Variants in TRPC1 observed in about 807,000 individuals in gnomAD.
The protein encoded by TRPC1 is short transient receptor potential channel 1.
A neutral mutation model predicts 88.2 loss-of-function variants in TRPC1; 42 were observed. That is an observed-to-expected ratio of 0.48 (90% CI 0.37 to 0.62). The LOEUF is 0.62. TRPC1 is among the 20% of genes least tolerant of loss of function. TRPC1 has a pLI of 0.00. For missense variants in TRPC1, 699 were observed against 957.3 expected, an observed-to-expected ratio of 0.73 and a Z score of 3.56; for synonymous variants, 288 against 331.8, an observed-to-expected ratio of 0.87 and a Z score of 1.43.
At chr3:142,729,859 A>G (rs1315120015) in intron 1 of TRPC1, among the ~76,000 whole-genome samples, 1 of 152,168 alleles carries the variant, frequency 6.6e-6, no homozygotes, top group Non-Finnish European at 1.5e-5. Flanking sequence ...GATAAGGACT[A>G]AAAGAATTCC....
intron 4 of TRPC1, among the ~76,000 whole-genome samples, chr3:142,759,195 A>G (rs1935092363): frequency 6.6e-6 from 1 of 152,180 alleles, no homozygotes; most frequent in South Asian, 2.1e-4. Flanking sequence ...ATACCCAGTA[A>G]TGGGATGGCT....
intron 4 of TRPC1, among the ~76,000 whole-genome samples, chr3:142,762,693 T>A (rs1449409973): frequency 6.6e-6 from 1 of 152,098 alleles, no homozygotes. Context: ...CCTCCCAAAG[T>A]GCTGGGATTA....
At chr3:142,746,855 C>CAA (rs1376393530) in intron 3 of TRPC1, among the ~76,000 whole-genome samples, 4 of 135,154 alleles carry the variant, frequency 3.0e-5, no homozygotes, top group Non-Finnish European at 4.8e-5. Context: ...GAGACTCCAC[C>CAA]AAAAAAAAAA....
chr3:142,741,568 T>C (rs1456458188), intron 2 of TRPC1, among the ~76,000 whole-genome samples: 1 of 152,232 alleles, frequency 6.6e-6, no homozygotes, highest in African/African-American at 2.4e-5. Context: ...TTTTCAGTAG[T>C]CAACTTTTAG....
chr3:142,804,406 A>C (rs778911854), intron 11 of TRPC1, 30 bp from the exon 12 acceptor site: 2 of 1,567,572 alleles, frequency 1.3e-6, no homozygotes, highest in Non-Finnish European at 1.7e-6. Flanking sequence ...TTAATATTCT[A>C]GTTTGCTTTT....
At chr3:142,747,234 GA>G (rs1031414609) in intron 3 of TRPC1, among the ~76,000 whole-genome samples, 4 of 151,988 alleles carry the variant, frequency 2.6e-5, no homozygotes, top group African/African-American at 9.7e-5. Flanking sequence ...TACTGTACTG[GA>G]AAATGTTCCT....
At chr3:142,762,193 A>C (rs1408061729) in intron 4 of TRPC1, among the ~76,000 whole-genome samples, 1 of 151,694 alleles carries the variant, frequency 6.6e-6, no homozygotes, top group Non-Finnish European at 1.5e-5. Flanking sequence ...GTGCCACCAC[A>C]TCTGACTAAT....
intron 4 of TRPC1, among the ~76,000 whole-genome samples, chr3:142,755,450 C>G: frequency 6.6e-6 from 1 of 152,142 alleles, no homozygotes; most frequent in South Asian, 2.1e-4. Context: ...AAATGTGGCT[C>G]TTCGCTACAG....
At chr3:142,752,737 C>T (rs199945845) in intron 4 of TRPC1, among the ~76,000 whole-genome samples, 283 of 141,102 alleles carry the variant, frequency 2.0e-3, no homozygotes, top group African/African-American at 3.1e-3. Context: ...GGCAGAGGTC[C>T]CTGCAGCTTT....
chr3:142,731,769 T>C (rs1029077686), intron 1 of TRPC1, among the ~76,000 whole-genome samples: 1 of 152,112 alleles, frequency 6.6e-6, no homozygotes, highest in African/African-American at 2.4e-5. Context: ...GTGAGCAAAC[T>C]ATGGGCCACA....
At chr3:142,733,426 C>T (rs1934008464) in intron 1 of TRPC1, among the ~76,000 whole-genome samples, 1 of 152,080 alleles carries the variant, frequency 6.6e-6, no homozygotes, top group Non-Finnish European at 1.5e-5. Flanking sequence ...GCAGGAGAAT[C>T]GCTTGAACCC....
At chr3:142,787,758 A>G (rs931234022) in intron 7 of TRPC1, among the ~76,000 whole-genome samples, 4 of 152,222 alleles carry the variant, frequency 2.6e-5, no homozygotes, top group Non-Finnish European at 5.9e-5. Flanking sequence ...ATTAAGTGCT[A>G]TTGGTTAAAG....
At chr3:142,774,978 G>A (rs1935711117) in intron 4 of TRPC1, among the ~76,000 whole-genome samples, 1 of 151,952 alleles carries the variant, frequency 6.6e-6, no homozygotes, top group Admixed American at 6.6e-5. Context: ...TGATAAAGTA[G>A]GTTAATACAA....
chr3:142,724,428 C>T lies in TRPC1; in HGVS notation c.-132C>T. On this transcript the variant is annotated 5_prime_UTR_variant, in exon 1 of 13. Transcript: ENST00000476941. The surrounding 1 kb of genome is among the most constrained non-coding windows in gnomAD (Gnocchi z 5.6). ...GGCGACGCCCTTCGGGGCCAACGGGCCTCGAGCCGAGGCAGCAGTGGGAAC... is the reference window on the plus strand; with the variant it reads ...GGCGACGCCCTTCGGGGCCAACGGGTCTCGAGCCGAGGCAGCAGTGGGAAC... 1 of 868,420 alleles carries T rather than the reference C, an allele frequency of 1.2e-6. No individual in the cohort carries two copies. The highest frequency in any genetic ancestry group is 3.2e-5 in the East Asian group (1 of 30,874). The allele number at this position is 868,420 out of a possible 1,614,324, so 53.8% of individuals were successfully genotyped here. A position where few individuals can be genotyped will look rare whatever the true frequency, so the allele number is the denominator to read the frequency against.
At chr3:142,755,087 T>C (rs12630674) in intron 4 of TRPC1, among the ~76,000 whole-genome samples, 1,835 of 152,322 alleles carry the variant, frequency 0.012, 47 homozygotes, top group East Asian at 0.089. Context: ...AGTTTGGTAT[T>C]CTACACGTGT....
At position 142,728,639 on chromosome 3, in the gene TRPC1, A is replaced by G. The variant is rs138490458; in HGVS notation, c.172+3908A>G. Among the ~76,000 whole-genome samples, 782 of 152,266 alleles carry G rather than the reference A, an allele frequency of 5.1e-3. 10 individuals carry two copies. The highest frequency in any genetic ancestry group is 0.017 in the African/African-American group (699 of 41,564). On this transcript the variant is annotated intron_variant, in intron 1 of 12. Coordinates refer to ENST00000476941, the MANE Select transcript of TRPC1 (RefSeq NM_001251845.2). ...CCTGGCCTGATGACTGACTTTCTCC[A>G]TAAGCTTTGTGTACCTTTGGGCTAA... is the stretch of plus-strand genomic sequence containing the variant.
At chr3:142,781,222 G>A (rs1935948557) in intron 6 of TRPC1, among the ~76,000 whole-genome samples, 193 bp downstream of exon 6, 1 of 152,066 alleles carries the variant, frequency 6.6e-6, no homozygotes, top group South Asian at 2.1e-4. Flanking sequence ...TACTAAAAGG[G>A]TTTAGCACAG....
chr3:142,792,342 C>A lies in TRPC1; in HGVS notation c.1438-482C>A, dbSNP rs990959595. ...ACTGGTACAGCATCTTAAACTATCCCAGGCAATGGGGACAATTGACCACTG... is the reference window on the plus strand; with the variant it reads ...ACTGGTACAGCATCTTAAACTATCCAAGGCAATGGGGACAATTGACCACTG... On this transcript the variant is annotated intron_variant, in intron 8 of 12. Transcript: ENST00000476941. This position sits in a 1 kb window ranked among gnomAD's most constrained non-coding sequence, Gnocchi z 4.0. 2.0e-5 allele frequency among the ~76,000 whole-genome samples: 3 copies of A among 151,942 alleles called. No individual in the cohort carries two copies. The highest frequency in any genetic ancestry group is 7.2e-5 in the African/African-American group (3 of 41,380).
intron 3 of TRPC1, among the ~76,000 whole-genome samples, chr3:142,745,787 T>C (rs1402528081): frequency 6.6e-6 from 1 of 152,178 alleles, no homozygotes; most frequent in Non-Finnish European, 1.5e-5. Context: ...AGTTTCGCTC[T>C]TGTTTTGTTG....
Sources: allele counts gnomAD v4.1 joint callset (sites outside exome capture counted in the v4.1 genomes callset), GRCh38; gene constraint gnomAD v4.1.1; non-coding constraint Gnocchi (gnomAD v3.1); transcripts MANE v1.5; gene names NCBI Gene and HGNC (gene_info 2026-07-23, HGNC 2026-07-21).